MCF2L2: variants seen among roughly 807,000 people sequenced by gnomAD.
MCF2L2 encodes the protein MCF.2 cell line derived transforming sequence-like 2, also known as probable guanine nucleotide exchange factor MCF2L2.
Under a neutral mutation model 150.2 loss-of-function variants are expected in MCF2L2, and 102 were observed. That is an observed-to-expected ratio of 0.68 (90% confidence interval 0.58 to 0.80). The LOEUF (loss-of-function observed/expected upper bound fraction) is 0.80. MCF2L2 is among the 30% of genes least tolerant of loss of function. The pLI is 0.00. For synonymous variants in MCF2L2, 465 were observed against 491.3 expected (o/e 0.95, Z 0.71); for missense variants, 1,256 against 1,372.8 (o/e 0.91, Z 1.34).
intron 15 of MCF2L2, chr3:183,253,277 G>A (rs2108388901): frequency 6.6e-6 from 1 of 151,968 alleles, no homozygotes; most frequent in Middle Eastern, 3.4e-3. Context: ...TCCCGCCGGG[G>A]AAGCGAGCCC....
chr3:183,337,635 G>A (rs1251255851), intron 5 of MCF2L2, among the ~76,000 whole-genome samples: 1 of 151,328 alleles, frequency 6.6e-6, no homozygotes, highest in African/African-American at 2.4e-5. Context: ...CACTTTTATT[G>A]GCTACAAAGT....
chr3:183,332,248 G>A (rs1730303146), intron 5 of MCF2L2, among the ~76,000 whole-genome samples: 1 of 152,182 alleles, frequency 6.6e-6, no homozygotes, highest in African/African-American at 2.4e-5. Context: ...CTACCAGGGA[G>A]TGTGACCTTG....
At chr3:183,306,576 CG>C (rs1729109483) in intron 10 of MCF2L2, among the ~76,000 whole-genome samples, 2 of 152,134 alleles carry the variant, frequency 1.3e-5, no homozygotes, top group Admixed American at 1.3e-4. Flanking sequence ...CTACTCTATC[CG>C]GGAATCTAGA....
chr3:183,216,566 ATATATATATATATATTTTTTTTTT>A (rs1722930067), intron 21 of MCF2L2, among the ~76,000 whole-genome samples: 3 of 3,576 alleles, frequency 8.4e-4, no homozygotes, highest in Non-Finnish European at 1.8e-3. Flanking sequence ...ATATATATAT[ATATATATATATATATTTTTTTTTT>A]TTTTTTTTTT....
intron 27 of MCF2L2, among the ~76,000 whole-genome samples, chr3:183,188,514 A>G (rs1721773515): frequency 6.6e-6 from 1 of 152,116 alleles, no homozygotes; most frequent in Non-Finnish European, 1.5e-5. Context: ...ACAGCACTCC[A>G]TCCCCGCAGT....
Position 183,267,494 on chromosome 3 carries a change from A to T in MCF2L2, c.1862+9378T>A, listed in dbSNP as rs1726267605. On this transcript the variant is annotated intron_variant, in intron 15 of 29. Coordinates refer to ENST00000328913, the MANE Select transcript of MCF2L2 (RefSeq NM_015078.4). The surrounding 1 kb of genome is among the most constrained non-coding windows in gnomAD (Gnocchi z 5.5). The stretch of plus-strand genomic sequence containing the variant: ...GCTAGGCCCATTCTGCAGGGCACTC[A>T]GTGTGTACAGTTGGTTTTCTATCAG... 6.6e-6 allele frequency among the ~76,000 whole-genome samples: 1 copy of T among 152,212 alleles called. No individual in the cohort carries two copies. Among genetic ancestry groups the T allele is most frequent in the African/African-American group, 2.4e-5 (1 of 41,454 alleles).
intron 27 of MCF2L2, among the ~76,000 whole-genome samples, chr3:183,188,674 G>A (rs1323061606): frequency 6.6e-6 from 1 of 152,182 alleles, no homozygotes; most frequent in Non-Finnish European, 1.5e-5. Context: ...CCTGATCAAA[G>A]CAGTGTTATA....
In MCF2L2 at chr3:183,389,706, G is replaced by A. The variant is rs774169757; in HGVS notation, c.150C>T (p.Ala50=). ...GAATGTGCCCCTTACCTGAAAGAAT[G>A]GCAAATTGTCTGTGAAGTTGTTCTA... The part of the protein sequence containing the change: ...EIIEQLHRQF[A]ILSGGRGEDG... The change falls in exon 2 of 30, where the codon GCC becomes GCT. Residue 50 remains alanine (A), a synonymous_variant. Transcript: ENST00000328913. 2 of 1,613,908 alleles carry A rather than the reference G, an allele frequency of 1.2e-6. No homozygotes were observed. The highest frequency in any genetic ancestry group is 1.7e-6 in the Non-Finnish European group (2 of 1,179,916).
At chr3:183,273,216 T>G (rs1726936707) in intron 15 of MCF2L2, 5 of 398,114 alleles carry the variant, frequency 1.3e-5, no homozygotes, top group African/African-American at 1.0e-4. Context: ...ATACACAGTG[T>G]TATTGTTAAA....
chr3:183,363,218 A>G (rs368771538), intron 3 of MCF2L2, among the ~76,000 whole-genome samples: 1 of 152,208 alleles, frequency 6.6e-6, no homozygotes, highest in East Asian at 1.9e-4. Context: ...CAGCCACTTT[A>G]GAAGACAGTT....
chr3:183,298,986 C>T (rs1225067601), intron 11 of MCF2L2: 1 of 152,296 alleles, frequency 6.6e-6, no homozygotes, highest in Non-Finnish European at 1.5e-5. Flanking sequence ...TGCCCCCTGC[C>T]ATGCAAGAGG....
intron 10 of MCF2L2, 84 bp downstream of exon 10, chr3:183,309,632 C>A: frequency 6.3e-7 from 1 of 1,582,278 alleles, no homozygotes; most frequent in East Asian, 2.2e-5. Context: ...CCTTTAGCAA[C>A]CTTCCAATAG....
Position 183,223,429 on chromosome 3 carries a change from G to A in MCF2L2, c.2218C>T (p.Arg740Cys), listed in dbSNP as rs781428915. ...QDCAYFGVCQ[R>C]QLDHNLPLFK... ...AGAGGGAGATTGTGATCCAGTTGGC[G>A]CTGGCATACCTTTAAAAGCCAAATA... Residue 740 changes from arginine (R) to cysteine (C), a missense_variant, in exon 20 of 30, where the codon CGC becomes TGC. Physicochemically the swap from Arg to Cys is radical, Grantham distance 180. Transcript: ENST00000328913. 3.8e-5 allele frequency: 62 copies of A among 1,613,228 alleles called. No homozygotes were observed. Among genetic ancestry groups the A allele is most frequent in the African/African-American group, 8.0e-5 (6 of 74,908 alleles).
At chr3:183,383,703 T>C (rs1713668275) in intron 2 of MCF2L2, among the ~76,000 whole-genome samples, 1 of 152,228 alleles carries the variant, frequency 6.6e-6, no homozygotes, top group African/African-American at 2.4e-5. Context: ...TACATACTAT[T>C]GAAAGATATG....
intron 1 of MCF2L2, among the ~76,000 whole-genome samples, chr3:183,408,226 T>C (rs569440122): frequency 4.0e-5 from 6 of 151,766 alleles, no homozygotes; most frequent in African/African-American, 1.5e-4. Context: ...GAGCCCAGAG[T>C]AGAGAGGCCA....
At chr3:183,294,659 C>T (rs1254803233) in intron 13 of MCF2L2, among the ~76,000 whole-genome samples, 1 of 138,402 alleles carries the variant, frequency 7.2e-6, no homozygotes, top group Non-Finnish European at 1.5e-5. Context: ...GACGGAGTCT[C>T]GCTCTGTCAC....
intron 1 of MCF2L2, among the ~76,000 whole-genome samples, chr3:183,394,399 C>G (rs1714328841): frequency 6.6e-6 from 1 of 152,186 alleles, no homozygotes; most frequent in South Asian, 2.1e-4. Context: ...CCTCTTCCAG[C>G]CCGCCCCACC....
chr3:183,397,131 T>C (rs1714510288), intron 1 of MCF2L2, among the ~76,000 whole-genome samples: 1 of 152,244 alleles, frequency 6.6e-6, no homozygotes, highest in African/African-American at 2.4e-5. Flanking sequence ...ATATAGCCAA[T>C]AAATTTATAT....
At position 183,178,664 on chromosome 3, in the gene MCF2L2, T is replaced by G. The variant is rs949132354; in HGVS notation, c.*716A>C. ...AAGCTACAAAGAAATGAAAATCAAC[T>G]AATAAAACTAAAAATAAAATACAAC... On this transcript the variant is annotated 3_prime_UTR_variant, in exon 30 of 30. Coordinates refer to ENST00000328913, the MANE Select transcript of MCF2L2 (RefSeq NM_015078.4). 2 of 152,136 alleles carry G rather than the reference T, an allele frequency of 1.3e-5. No individual in the cohort carries two copies. Among genetic ancestry groups the G allele is most frequent in the South Asian group, 2.1e-4 (1 of 4,826 alleles). 9.4% of individuals were successfully genotyped at this position (152,136 alleles called of 1,614,324 possible).
Sources: allele counts gnomAD v4.1 joint callset (sites outside exome capture counted in the v4.1 genomes callset), GRCh38; gene constraint gnomAD v4.1.1; non-coding constraint Gnocchi (gnomAD v3.1); transcripts MANE v1.5; gene names NCBI Gene and HGNC (gene_info 2026-07-23, HGNC 2026-07-21).